Variants in CSMD1 observed in about 807,000 individuals in gnomAD.
CSMD1 encodes the protein CUB and Sushi multiple domains 1, also known as CUB and sushi domain-containing protein 1.
CSMD1 carries 213 observed loss-of-function variants against 417.5 expected under a neutral mutation model. That is an observed-to-expected ratio of 0.51 (90% CI 0.46 to 0.57). CSMD1 has a LOEUF of 0.57. Ranked by LOEUF, CSMD1 falls within the 20% of genes least tolerant of loss-of-function variation. The pLI, the probability that CSMD1 is intolerant of heterozygous loss-of-function variation, is 0.00. For synonymous variants in CSMD1, 2,862 were observed against 1,736.8 expected, an observed-to-expected ratio of 1.65 and a Z score of -16.11; for missense variants, 6,923 against 4,529.7, an observed-to-expected ratio of 1.53 and a Z score of -15.17.
intron 51 of CSMD1, among the ~76,000 whole-genome samples, chr8:3,019,856 G>C (rs1303135719): frequency 6.6e-6 from 1 of 152,228 alleles, no homozygotes; most frequent in Non-Finnish European, 1.5e-5. Flanking sequence ...GAACTCACAA[G>C]GTTATCCAGC....
At chr8:4,987,165 G>A (rs1320576320) in intron 1 of CSMD1, among the ~76,000 whole-genome samples, 1 of 152,084 alleles carries the variant, frequency 6.6e-6, no homozygotes, top group Non-Finnish European at 1.5e-5. Context: ...GGCGTGGGTA[G>A]AAAATAAATA....
chr8:4,363,197 T>G (rs2128908597), intron 3 of CSMD1, among the ~76,000 whole-genome samples: 1 of 152,270 alleles, frequency 6.6e-6, no homozygotes, highest in African/African-American at 2.4e-5. Context: ...GCCACCATTT[T>G]GTATTTGGTG....
At chr8:4,219,474 C>T (rs950675871) in intron 3 of CSMD1, among the ~76,000 whole-genome samples, 2 of 152,136 alleles carry the variant, frequency 1.3e-5, no homozygotes, top group South Asian at 4.1e-4. Flanking sequence ...AACTCTAGTC[C>T]TGAATTTCCT....
At position 3,796,420 on chromosome 8, in the gene CSMD1, ATGTATAGATATATATATCTATCG is replaced by A. The variant is rs1245848768; in HGVS notation, c.819-42401_819-42379del. On this transcript the variant is annotated intron_variant, in intron 5 of 69. Coordinates refer to ENST00000635120, the MANE Select transcript of CSMD1 (RefSeq NM_033225.6). ...GTATAGATATAGATATATATCTATC[ATGTATAGATATATATATCTATCG>A]TGTATAGATATAGATATCTATCATG... Among the ~76,000 whole-genome samples, 171 of 113,078 alleles carry A rather than the reference ATGTATAGATATATATATCTATCG, an allele frequency of 1.5e-3. 19 individuals are homozygous for A. The highest frequency in any genetic ancestry group is 0.014 in the Middle Eastern group (1 of 74). The allele number at this position is 113,078 out of a possible 152,430, so 74.2% of individuals were successfully genotyped here.
chr8:3,708,621 T>G, intron 6 of CSMD1, 130 bp from the exon 7 acceptor site: 1 of 712,652 alleles, frequency 1.4e-6, no homozygotes, highest in Non-Finnish European at 2.5e-6. Flanking sequence ...TTCTAAGAGG[T>G]GAATGATACC....
chr8:3,677,442 G>T (rs946042918), intron 7 of CSMD1, among the ~76,000 whole-genome samples: 1 of 152,162 alleles, frequency 6.6e-6, no homozygotes, highest in Non-Finnish European at 1.5e-5. Context: ...CACAGTACAG[G>T]TTGTCAGGAA....
intron 2 of CSMD1, among the ~76,000 whole-genome samples, chr8:4,432,922 G>A (rs987834078): frequency 3.3e-5 from 5 of 152,214 alleles, no homozygotes; most frequent in South Asian, 2.1e-4. Context: ...GAGAGGCTGT[G>A]TTGTTTTCAC....
At chr8:4,117,465 C>A (rs757857704) in intron 3 of CSMD1, among the ~76,000 whole-genome samples, 1 of 152,142 alleles carries the variant, frequency 6.6e-6, no homozygotes, top group Non-Finnish European at 1.5e-5. Flanking sequence ...TTATGATCGT[C>A]TTAATAAATG....
chr8:4,523,233 G>T (rs1585199364), intron 2 of CSMD1, among the ~76,000 whole-genome samples: 2 of 151,986 alleles, frequency 1.3e-5, no homozygotes, highest in East Asian at 3.9e-4. Context: ...TGGGAGCAAG[G>T]GATATAAAAA....
At chr8:3,707,557 T>A (rs1388453983) in intron 7 of CSMD1, among the ~76,000 whole-genome samples, 3 of 152,198 alleles carry the variant, frequency 2.0e-5, no homozygotes, top group African/African-American at 7.2e-5. Context: ...CAGTAGACGG[T>A]ACTCATCTCT....
intron 10 of CSMD1, among the ~76,000 whole-genome samples, chr8:3,502,860 T>C (rs1317324013): frequency 6.6e-6 from 1 of 152,128 alleles, no homozygotes; most frequent in Non-Finnish European, 1.5e-5. Context: ...CTATGGACTT[T>C]GGTAATTCAG....
intron 26 of CSMD1, among the ~76,000 whole-genome samples, chr8:3,231,603 C>A (rs1798843525): frequency 6.6e-6 from 1 of 151,980 alleles, no homozygotes; most frequent in African/African-American, 2.4e-5. Flanking sequence ...ATAAGACCTG[C>A]TCTGTGTTAT....
At chr8:3,596,386 C>G (rs994540747) in intron 8 of CSMD1, among the ~76,000 whole-genome samples, 1 of 152,172 alleles carries the variant, frequency 6.6e-6, no homozygotes, top group Non-Finnish European at 1.5e-5. Flanking sequence ...TCAGGGCAGA[C>G]CTTTGGGGCC....
chr8:4,105,767 T>A (rs760191453), intron 3 of CSMD1, among the ~76,000 whole-genome samples: 2 of 152,214 alleles, frequency 1.3e-5, no homozygotes, highest in South Asian at 2.1e-4. Flanking sequence ...TATTTCTCAC[T>A]GAAGAGGCTC....
intron 3 of CSMD1, among the ~76,000 whole-genome samples, chr8:4,173,623 G>A (rs1231939429): frequency 2.0e-5 from 3 of 152,124 alleles, no homozygotes; most frequent in East Asian, 1.9e-4. Context: ...TAGCTTTGTG[G>A]AAGTTCGGAA....
At chr8:4,932,950 T>C (rs956695969) in intron 1 of CSMD1, among the ~76,000 whole-genome samples, 3 of 152,166 alleles carry the variant, frequency 2.0e-5, no homozygotes, top group African/African-American at 7.2e-5. Context: ...ATAACATGTA[T>C]CTAGCCAAAA....
At chr8:4,820,719 T>A (rs1220085964) in intron 1 of CSMD1, among the ~76,000 whole-genome samples, 1 of 152,208 alleles carries the variant, frequency 6.6e-6, no homozygotes, top group Non-Finnish European at 1.5e-5. Context: ...GCTCATGGAC[T>A]AATAAGGATC....
intron 1 of CSMD1, among the ~76,000 whole-genome samples, chr8:4,654,672 G>A (rs529486461): frequency 6.6e-6 from 1 of 152,098 alleles, no homozygotes; most frequent in South Asian, 2.1e-4. Context: ...TGGATTTGTT[G>A]GGTGCTTTCC....
intron 7 of CSMD1, among the ~76,000 whole-genome samples, chr8:3,671,952 C>A (rs184130705): frequency 1.3e-5 from 2 of 152,038 alleles, no homozygotes; most frequent in South Asian, 4.1e-4. Flanking sequence ...AAGTTTTCGA[C>A]CACACATTTT....
Sources: gnomAD v4.1 joint callset for allele counts (sites outside exome capture counted in the v4.1 genomes callset) on GRCh38, gnomAD v4.1.1 for gene constraint, MANE v1.5 for transcripts, NCBI Gene and HGNC (gene_info 2026-07-23, HGNC 2026-07-21) for gene names.